Variants in PLEKHG7 observed in about 807,000 individuals in gnomAD.
PLEKHG7 encodes the protein pleckstrin homology domain-containing family G member 7.
Under a neutral mutation model 85.2 loss-of-function variants are expected in PLEKHG7, and 77 were observed. That is an observed-to-expected ratio of 0.90 (90% CI 0.75 to 1.09). PLEKHG7 has a LOEUF of 1.09. Among genes scored for constraint, PLEKHG7 ranks in the 50% least tolerant of loss-of-function variants. The pLI is 0.00. For synonymous variants in PLEKHG7, 301 were observed against 302.4 expected (o/e 1.00, Z 0.05); for missense variants, 777 against 804.3 (o/e 0.97, Z 0.41).
At chr12:92,769,803 A>G (rs900029984) in intron 16 of PLEKHG7, among the ~76,000 whole-genome samples, 1 of 152,102 alleles carries the variant, frequency 6.6e-6, no homozygotes, top group Non-Finnish European at 1.5e-5. Flanking sequence ...CTCAGTGCTC[A>G]TTTTTCTAAT....
intron 5 of PLEKHG7, among the ~76,000 whole-genome samples, chr12:92,735,947 A>G (rs1340082646): frequency 6.6e-6 from 1 of 152,226 alleles, no homozygotes. Context: ...TATAACAAAA[A>G]TAAGTGGGTG....
chr12:92,721,384 G>T (rs1871637274), intron 3 of PLEKHG7: 2 of 1,113,990 alleles, frequency 1.8e-6, no homozygotes, highest in South Asian at 9.1e-5. Context: ...TGCTTTCTCA[G>T]CCCACACCAT....
At chr12:92,705,526 T>A (rs779335271) in intron 1 of PLEKHG7, among the ~76,000 whole-genome samples, 1 of 152,242 alleles carries the variant, frequency 6.6e-6, no homozygotes, top group South Asian at 2.1e-4. Flanking sequence ...TTACTAAAAC[T>A]ATTATTGATG....
At chr12:92,754,325 C>T (rs1341842943) in intron 11 of PLEKHG7, 61 bp downstream of exon 11, 1 of 1,501,082 alleles carries the variant, frequency 6.7e-7, no homozygotes, top group East Asian at 2.3e-5. Context: ...TCCTGGAAAC[C>T]TTCTGGGCTT....
At chr12:92,761,711 C>A (rs759817370) in intron 13 of PLEKHG7, 41 bp from the exon 14 acceptor site, 4 of 1,516,578 alleles carry the variant, frequency 2.6e-6, no homozygotes, top group Non-Finnish European at 2.6e-6. Context: ...TTCTACTTAA[C>A]AGTTTCAGGT....
chr12:92,742,972 T>C (rs1391560362), intron 9 of PLEKHG7, among the ~76,000 whole-genome samples: 2 of 152,202 alleles, frequency 1.3e-5, no homozygotes, highest in Non-Finnish European at 2.9e-5. Context: ...ACTAAGGGTC[T>C]ATAATAAACC....
intron 15 of PLEKHG7, among the ~76,000 whole-genome samples, chr12:92,764,637 G>A (rs1344529002): frequency 6.6e-6 from 1 of 151,806 alleles, no homozygotes; most frequent in Non-Finnish European, 1.5e-5. Flanking sequence ...AAATAATTAT[G>A]CCAGCAATAT....
chr12:92,736,436 A>T (rs1872152133), intron 5 of PLEKHG7, 46 bp from the exon 6 acceptor site: 1 of 1,119,382 alleles, frequency 8.9e-7, no homozygotes, highest in Non-Finnish European at 1.1e-6. Context: ...TCATGTCATT[A>T]AAGAATCAAT....
Position 92,770,467 on chromosome 12 carries a change from A to G in PLEKHG7, c.*272A>G. The G allele has an allele frequency of 3.0e-6, 1 of 337,524 alleles. No homozygotes were observed. Among genetic ancestry groups the G allele is most frequent in the Admixed American group, 5.1e-5 (1 of 19,554 alleles). 20.9% of individuals were successfully genotyped at this position (337,524 alleles called of 1,614,324 possible). On this transcript the variant is annotated 3_prime_UTR_variant, in exon 17 of 17. Coordinates refer to ENST00000344636, the MANE Select transcript of PLEKHG7 (RefSeq NM_001377329.1). ...GTCAGGTTTGTAAGAGGTGTGAGTG[A>G]AGAAAGGTGCTAATTTGTAAAGGGT...
chr12:92,717,296 A>G (rs1448921471), intron 3 of PLEKHG7, among the ~76,000 whole-genome samples: 1 of 152,232 alleles, frequency 6.6e-6, no homozygotes, highest in African/African-American at 2.4e-5. Context: ...TGTCTTGAGG[A>G]AAAAACAAAC....
chr12:92,727,378 C>T (rs1170328831), intron 3 of PLEKHG7, among the ~76,000 whole-genome samples: 1 of 152,110 alleles, frequency 6.6e-6, no homozygotes, highest in Non-Finnish European at 1.5e-5. Context: ...GAATGTTGTA[C>T]CCAATAGTTA....
chr12:92,717,242 G>A (rs1397295828), intron 3 of PLEKHG7, among the ~76,000 whole-genome samples: 4 of 152,150 alleles, frequency 2.6e-5, no homozygotes, highest in Admixed American at 6.6e-5. Context: ...TAGCCACTGG[G>A]GCAACACTAA....
chr12:92,719,067 G>A (rs953463947), intron 3 of PLEKHG7, among the ~76,000 whole-genome samples: 3 of 152,078 alleles, frequency 2.0e-5, no homozygotes, highest in South Asian at 2.1e-4. Flanking sequence ...TCTCATTTGC[G>A]TTTCCAACAA....
Position 92,737,378 on chromosome 12 carries a change from G to C in PLEKHG7, c.796G>C (p.Asp266His), listed in dbSNP as rs1872188628. ...TTCTCTCTTTTTCCCTCATGTACAG[G>C]ATAAGACCTGGGATGAAGTCTTGGA... Reference protein sequence around the residue: ...FRGYDFYGLKDKTWDEVLETH... With the variant: ...FRGYDFYGLKHKTWDEVLETH... Residue 266 changes from aspartate (D) to histidine (H), a missense_variant and splice_region_variant, in exon 7 of 17, where the codon GAT becomes CAT. Around this residue, in one of 3 missense-constraint regions of PLEKHG7, gnomAD observed 520 missense variants for 544.0 expected, o/e 0.96. Transcript: ENST00000344636. 1.3e-6 allele frequency: 2 copies of C among 1,509,288 alleles called. No homozygotes were observed. Among genetic ancestry groups the C allele is most frequent in the South Asian group, 1.4e-5 (1 of 69,792 alleles). 93.5% of individuals were successfully genotyped at this position (1,509,288 alleles called of 1,614,324 possible).
chr12:92,754,582 C>T (rs910094796), intron 11 of PLEKHG7, among the ~76,000 whole-genome samples: 2 of 152,096 alleles, frequency 1.3e-5, no homozygotes, highest in Non-Finnish European at 2.9e-5. Context: ...TTTTAACAGC[C>T]GTACTGACCC....
At chr12:92,711,810 A>C (rs1871372382) in intron 3 of PLEKHG7, among the ~76,000 whole-genome samples, 1 of 152,224 alleles carries the variant, frequency 6.6e-6, no homozygotes. Context: ...CTTGCACAGC[A>C]GCCTGGACCT....
chr12:92,762,264 T>C (rs541796867), intron 14 of PLEKHG7, among the ~76,000 whole-genome samples: 89 of 152,316 alleles, frequency 5.8e-4, no homozygotes, highest in African/African-American at 1.9e-3. Context: ...TACTGTCTTA[T>C]GTCGAGGTGG....
At chr12:92,730,276 T>C (rs1183777593) in intron 4 of PLEKHG7, among the ~76,000 whole-genome samples, 5 of 152,212 alleles carry the variant, frequency 3.3e-5, no homozygotes, top group Non-Finnish European at 7.3e-5. Flanking sequence ...CCTAGAAATC[T>C]GAGCTAGTTC....
chr12:92,728,994 T>C lies in PLEKHG7; in HGVS notation c.532T>C (p.Phe178Leu), dbSNP rs977292766. The change falls in exon 4 of 17, where the codon TTC becomes CTC. Residue 178 changes from phenylalanine (F) to leucine (L), a missense_variant and splice_region_variant. Transcript: ENST00000344636. Reference sequence around the variant, plus strand: ...TTTCCTTTTATCTCTTGAGCACAGGTTCTACGAGCACAGGCGGAGTTCTGT... The same window carrying C: ...TTTCCTTTTATCTCTTGAGCACAGGCTCTACGAGCACAGGCGGAGTTCTGT... ...PQGEELHPSR[F>L]YEHRRSSVVL... 13 of 1,231,542 alleles carry C rather than the reference T, an allele frequency of 1.1e-5. No individual in the cohort carries two copies. In the African/African-American group the frequency reaches 1.4e-4, roughly 13 times the overall value. 76.3% of individuals were successfully genotyped at this position (1,231,542 alleles called of 1,614,324 possible). A position where few individuals can be genotyped will look rare whatever the true frequency, so the allele number is the denominator to read the frequency against.
Sources: allele counts gnomAD v4.1 joint callset (sites outside exome capture counted in the v4.1 genomes callset), GRCh38; gene constraint gnomAD v4.1.1; regional missense constraint gnomAD v4.1.1; transcripts MANE v1.5; gene names NCBI Gene and HGNC (gene_info 2026-07-23, HGNC 2026-07-21).